The following BICDL1 variants were observed in gnomAD, a reference collection of about 807,000 sequenced individuals.
BICDL1 encodes the protein BICD family-like cargo adapter 1.
Under a neutral mutation model 76.8 loss-of-function variants are expected in BICDL1, and 20 were observed. That is an observed-to-expected ratio of 0.26 (90% CI 0.18 to 0.38). The LOEUF (loss-of-function observed/expected upper bound fraction) is 0.38. Among genes scored for constraint, BICDL1 ranks in the 10% least tolerant of loss-of-function variants. The pLI, the probability that BICDL1 is intolerant of heterozygous loss-of-function variation, is 1.00. For missense variants in BICDL1, 700 were observed against 798.6 expected, an observed-to-expected ratio of 0.88 and a Z score of 1.49; for synonymous variants, 383 against 337.1, an observed-to-expected ratio of 1.14 and a Z score of -1.49.
chr12:119,995,144 C>T (rs566295495), intron 1 of BICDL1, among the ~76,000 whole-genome samples: 13 of 152,194 alleles, frequency 8.5e-5, no homozygotes, highest in African/African-American at 2.9e-4. Context: ...CCCTGAGAAA[C>T]GAAGGAGAGC....
In BICDL1 at chr12:120,093,498, A is replaced by C; in HGVS notation, c.*337A>C. 3.6e-6 allele frequency: 1 copy of C among 276,324 alleles called. No individual in the cohort carries two copies. Among genetic ancestry groups the C allele is most frequent in the South Asian group, 4.1e-5 (1 of 24,132 alleles). 17.1% of individuals were successfully genotyped at this position (276,324 alleles called of 1,614,324 possible). A position where few individuals can be genotyped will look rare whatever the true frequency, so the allele number is the denominator to read the frequency against. ...GCTCACACCCAACAGATCGCAGCCC[A>C]CCCCCAGGCACTGCTGCCTCCTTGA... On this transcript the variant is annotated 3_prime_UTR_variant, in exon 10 of 10. Transcript: ENST00000548673.
Position 120,061,801 on chromosome 12 carries a change from T to G in BICDL1, c.737T>G (p.Ile246Ser), listed in dbSNP as rs1402431694. ...EKNSSTNQHI[I>S]RLESLQAEIK... is the part of the protein sequence containing the mutation. ...AACTCATCAACCAACCAGCACATTA[T>G]CCGGCTGGAGAGCCTTCAGGCCGAG... Residue 246 changes from isoleucine to serine, a missense_variant, in exon 3 of 10, where the codon ATC (isoleucine) becomes AGC (serine). Physicochemically the swap from Ile to Ser is moderately radical, Grantham distance 142 (BLOSUM62 -2). Around this residue, in one of 3 missense-constraint regions of BICDL1, gnomAD observed 455 missense variants for 548.7 expected, o/e 0.83. Transcript: ENST00000548673. 1.2e-6 allele frequency: 2 copies of G among 1,613,966 alleles called. No individual in the cohort carries two copies. The highest frequency in any genetic ancestry group is 4.5e-5 in the East Asian group (2 of 44,886).
At chr12:120,064,612 C>A in intron 3 of BICDL1, 121 bp from the exon 4 acceptor site, 1 of 944,722 alleles carries the variant, frequency 1.1e-6, no homozygotes, top group Non-Finnish European at 1.5e-6. Context: ...GATGGGGGTA[C>A]CGTGACATTG....
chr12:120,086,388 C>T (rs1342596513), intron 8 of BICDL1, among the ~76,000 whole-genome samples: 3 of 152,244 alleles, frequency 2.0e-5, no homozygotes, highest in Admixed American at 6.5e-5. Flanking sequence ...CTTCCATATA[C>T]GTTATCTCTG....
intron 2 of BICDL1, among the ~76,000 whole-genome samples, chr12:120,013,468 G>A (rs528894106): frequency 2.2e-4 from 34 of 151,482 alleles, no homozygotes; most frequent in Non-Finnish European, 4.3e-4. Context: ...GTGTGTGTGT[G>A]TGTGTGTGTG....
intron 8 of BICDL1, among the ~76,000 whole-genome samples, chr12:120,086,567 A>G (rs1242197188): frequency 6.6e-6 from 1 of 152,182 alleles, no homozygotes; most frequent in African/African-American, 2.4e-5. Flanking sequence ...TAAGAAATAT[A>G]ACTTCCTTCT....
At chr12:120,001,815 T>C (rs1594098495) in intron 2 of BICDL1, among the ~76,000 whole-genome samples, 2 of 152,226 alleles carry the variant, frequency 1.3e-5, no homozygotes, top group East Asian at 3.9e-4. Context: ...TTTAGGAGGT[T>C]GAGGCAGGAG....
intron 9 of BICDL1, chr12:120,091,506 C>T (rs1475776808): frequency 3.0e-6 from 3 of 985,804 alleles, no homozygotes; most frequent in Non-Finnish European, 3.6e-6. Context: ...ATATACTAGA[C>T]CCTTATAAGG....
At position 120,002,375 on chromosome 12, in the gene BICDL1, C is replaced by A. The variant is rs547252989; in HGVS notation, c.645+3639C>A. 2.6e-5 allele frequency among the ~76,000 whole-genome samples: 4 copies of A among 152,250 alleles called. No homozygotes were observed. In the East Asian group the frequency reaches 5.8e-4, roughly 22 times the overall value. ...GTTGGGGTTTTCTTACCAACAGATA[C>A]AACTCTTGGATGTTAATCAGTGCTG... is the stretch of plus-strand genomic sequence containing the variant. On this transcript the variant is annotated intron_variant, in intron 2 of 9. Coordinates refer to ENST00000548673, the MANE Select transcript of BICDL1 (RefSeq NM_001367886.1).
intron 2 of BICDL1, among the ~76,000 whole-genome samples, chr12:120,012,682 T>C (rs903640259): frequency 1.3e-5 from 2 of 152,204 alleles, no homozygotes; most frequent in African/African-American, 4.8e-5. Context: ...TTCTCATATA[T>C]GAATTAAGGA....
chr12:120,006,606 CT>C (rs1288397998), intron 2 of BICDL1, among the ~76,000 whole-genome samples: 1 of 152,124 alleles, frequency 6.6e-6, no homozygotes, highest in East Asian at 1.9e-4. Flanking sequence ...AGGAAGGAAC[CT>C]TTGGGGAGGT....
intron 1 of BICDL1, among the ~76,000 whole-genome samples, chr12:119,995,007 C>T (rs1449438586): frequency 6.6e-6 from 1 of 152,088 alleles, no homozygotes; most frequent in Non-Finnish European, 1.5e-5. Context: ...TTTTCTGTTC[C>T]AGGATACCAT....
At chr12:120,083,626 G>A (rs1266473883) in intron 8 of BICDL1, among the ~76,000 whole-genome samples, 1 of 146,802 alleles carries the variant, frequency 6.8e-6, no homozygotes, top group African/African-American at 2.6e-5. Context: ...AATATTAATA[G>A]TAGTATTTAT....
intron 2 of BICDL1, among the ~76,000 whole-genome samples, chr12:120,012,576 G>A (rs984909514): frequency 2.0e-5 from 3 of 152,056 alleles, no homozygotes; most frequent in East Asian, 1.9e-4. Context: ...CTCAGAGGGC[G>A]GGCAAGATGT....
intron 2 of BICDL1, among the ~76,000 whole-genome samples, chr12:120,040,209 TCTC>T (rs1259234234): frequency 1.3e-5 from 2 of 151,918 alleles, no homozygotes; most frequent in African/African-American, 2.4e-5. Context: ...TTCAAGCCAT[TCTC>T]CTGCCTCAGC....
intron 1 of BICDL1, among the ~76,000 whole-genome samples, chr12:119,991,485 C>A (rs939407203): frequency 2.0e-5 from 3 of 152,164 alleles, no homozygotes; most frequent in Non-Finnish European, 4.4e-5. Flanking sequence ...GTCTGCCAGT[C>A]GATGAACTCC....
At chr12:119,997,764 A>G (rs75321772) in intron 1 of BICDL1, among the ~76,000 whole-genome samples, 3,510 of 152,122 alleles carry the variant, frequency 0.023, 145 homozygotes, top group African/African-American at 0.08. Context: ...CTGTGATAGT[A>G]AGAATCTGGT....
In BICDL1 at chr12:119,998,815, C is replaced by T. The variant is rs928613102; in HGVS notation, c.645+79C>T. On this transcript the variant is annotated intron_variant, in intron 2 of 9. Coordinates refer to ENST00000548673, the MANE Select transcript of BICDL1 (RefSeq NM_001367886.1). The stretch of plus-strand genomic sequence containing the variant: ...TGGGCATGGAGGCTTATGCCTGTGA[C>T]GCCAGCATTTCGGGAGGCCAAGGTG... The T allele has an allele frequency of 5.2e-5, 72 of 1,389,810 alleles. No individual in the cohort carries two copies. In the Admixed American group the frequency reaches 6.1e-4, roughly 12 times the overall value. 86.1% of individuals were successfully genotyped at this position (1,389,810 alleles called of 1,614,324 possible).
intron 2 of BICDL1, among the ~76,000 whole-genome samples, chr12:120,022,188 C>T (rs982464202): frequency 1.3e-5 from 2 of 149,828 alleles, no homozygotes; most frequent in African/African-American, 4.9e-5. Flanking sequence ...TCAGATAAAT[C>T]CAGAAAGTGG....
Sources: gnomAD v4.1 joint callset for allele counts (sites outside exome capture counted in the v4.1 genomes callset) on GRCh38, gnomAD v4.1.1 for gene constraint, gnomAD v4.1.1 regional missense constraint, MANE v1.5 for transcripts, NCBI Gene and HGNC (gene_info 2026-07-23, HGNC 2026-07-21) for gene names.